The following EIF4G3 variants were observed in gnomAD, a reference collection of about 807,000 sequenced individuals.
EIF4G3 encodes eukaryotic translation initiation factor 4 gamma 3, also known as eIF-4-gamma 3.
A neutral mutation model predicts 186.4 loss-of-function variants in EIF4G3; 34 were observed. That is an observed-to-expected ratio of 0.18 (90% CI 0.14 to 0.24). The LOEUF (loss-of-function observed/expected upper bound fraction) is 0.24. EIF4G3 is among the 10% of genes least tolerant of loss of function. The pLI is 1.00. For synonymous variants in EIF4G3, 673 were observed against 679.5 expected (o/e 0.99, Z 0.15); for missense variants, 1,536 against 1,948.5 (o/e 0.79, Z 3.99).
intron 2 of EIF4G3, among the ~76,000 whole-genome samples, chr1:21,167,528 T>G (rs2097877539): frequency 6.6e-6 from 1 of 152,050 alleles, no homozygotes; most frequent in Admixed American, 6.6e-5. Context: ...GTAATCCCAG[T>G]ACTTTGGAAG....
chr1:21,008,631 G>A (rs1427785533), intron 4 of EIF4G3, among the ~76,000 whole-genome samples: 4 of 152,048 alleles, frequency 2.6e-5, no homozygotes, highest in African/African-American at 7.2e-5. Flanking sequence ...GAGCCACTGC[G>A]CCCTGGCTAC....
intron 2 of EIF4G3, among the ~76,000 whole-genome samples, chr1:21,128,134 G>A (rs556210889): frequency 3.9e-5 from 6 of 151,992 alleles, no homozygotes; most frequent in African/African-American, 7.2e-5. Flanking sequence ...GTGAACCTGG[G>A]AGGTGGAGCT....
At chr1:21,087,728 G>A (rs2096038593) in intron 3 of EIF4G3, among the ~76,000 whole-genome samples, 1 of 152,146 alleles carries the variant, frequency 6.6e-6, no homozygotes, top group Non-Finnish European at 1.5e-5. Flanking sequence ...CCGCCTCCTG[G>A]GTTCACGCCA....
intron 31 of EIF4G3, among the ~76,000 whole-genome samples, chr1:20,828,561 A>G (rs190832231): frequency 1.6e-4 from 24 of 152,320 alleles, no homozygotes; most frequent in Non-Finnish European, 1.5e-4. Flanking sequence ...ATGTTTTGTT[A>G]ATCTCAAAGA....
At chr1:21,136,075 C>G (rs968526403) in intron 2 of EIF4G3, among the ~76,000 whole-genome samples, 1 of 151,936 alleles carries the variant, frequency 6.6e-6, no homozygotes, top group Non-Finnish European at 1.5e-5. Flanking sequence ...CCCAGCTACT[C>G]GGGAGGCTGA....
chr1:20,840,376 C>T (rs1379398777), intron 30 of EIF4G3, among the ~76,000 whole-genome samples: 1 of 152,208 alleles, frequency 6.6e-6, no homozygotes, highest in Non-Finnish European at 1.5e-5. Context: ...TTAAGAACAC[C>T]AAGTTACATA....
At chr1:21,000,792 T>C (rs1017416329) in intron 6 of EIF4G3, among the ~76,000 whole-genome samples, 1 of 132,214 alleles carries the variant, frequency 7.6e-6, no homozygotes, top group Non-Finnish European at 1.8e-5. Flanking sequence ...AAAAATTGTA[T>C]AGAGGATAGT....
intron 10 of EIF4G3, among the ~76,000 whole-genome samples, chr1:20,979,487 TAAG>T (rs1292596238): frequency 6.6e-6 from 1 of 152,156 alleles, no homozygotes; most frequent in Non-Finnish European, 1.5e-5. Flanking sequence ...TGCATTCTAC[TAAG>T]AAAGACATTA....
At chr1:21,114,534 A>G (rs1430493491) in intron 2 of EIF4G3, among the ~76,000 whole-genome samples, 3 of 152,230 alleles carry the variant, frequency 2.0e-5, no homozygotes, top group Non-Finnish European at 2.9e-5. Flanking sequence ...ATAAATAACC[A>G]GTTTATCATT....
intron 28 of EIF4G3, 112 bp from the exon 29 acceptor site, chr1:20,849,642 C>T (rs774443783): frequency 4.4e-5 from 20 of 457,326 alleles, no homozygotes; most frequent in Non-Finnish European, 7.8e-5. Flanking sequence ...AGCTACAAGA[C>T]ATTTAATAGA....
chr1:21,051,469 G>T (rs551178704), intron 3 of EIF4G3, among the ~76,000 whole-genome samples: 2 of 152,062 alleles, frequency 1.3e-5, no homozygotes, highest in Non-Finnish European at 2.9e-5. Flanking sequence ...ACACTAAAAA[G>T]GGTGAATTTT....
intron 3 of EIF4G3, among the ~76,000 whole-genome samples, chr1:21,069,201 G>T (rs950011656): frequency 1.3e-5 from 2 of 152,060 alleles, no homozygotes; most frequent in Non-Finnish European, 2.9e-5. Context: ...CAAACTTGCT[G>T]CCCACCTACA....
At position 20,981,084 on chromosome 1, in the gene EIF4G3, G is replaced by A; in HGVS notation, c.342C>T (p.Tyr114=). The A allele has an allele frequency of 6.2e-7, 1 of 1,612,772 alleles. No homozygotes were observed. ...IMMVNHLPMP[Y]PVPQGPQYCI... The stretch of plus-strand genomic sequence containing the variant: ...AGTACTGAGGCCCCTGGGGCACTGG[G>A]TACGGCATGGGCAGATGGTTAACCA... The change falls in exon 9 of 37, where the codon TAC becomes TAT. Residue 114 remains tyrosine (Y), a synonymous_variant. Transcript: ENST00000602326.
At chr1:20,920,286 A>G (rs747955071) in intron 14 of EIF4G3, among the ~76,000 whole-genome samples, 1 of 152,242 alleles carries the variant, frequency 6.6e-6, no homozygotes, top group Non-Finnish European at 1.5e-5. Context: ...TTTAAATCAC[A>G]TATTTCAAGT....
intron 2 of EIF4G3, chr1:21,169,793 A>C (rs2097920654): frequency 6.6e-6 from 1 of 152,204 alleles, no homozygotes; most frequent in Non-Finnish European, 1.5e-5. Context: ...GGCAGCTTTG[A>C]ATGCTGTAAG....
intron 10 of EIF4G3, among the ~76,000 whole-genome samples, chr1:20,976,673 A>T (rs1276943205): frequency 6.6e-6 from 1 of 152,222 alleles, no homozygotes; most frequent in East Asian, 1.9e-4. Flanking sequence ...TAACACCTGT[A>T]TTCCACAAAA....
At chr1:21,073,257 T>C (rs574781147) in intron 3 of EIF4G3, among the ~76,000 whole-genome samples, 1 of 152,348 alleles carries the variant, frequency 6.6e-6, no homozygotes, top group Admixed American at 6.5e-5. Flanking sequence ...TATCAAAATC[T>C]TACAAAATTA....
At chr1:21,059,229 C>T (rs1451429514) in intron 3 of EIF4G3, among the ~76,000 whole-genome samples, 5 of 152,072 alleles carry the variant, frequency 3.3e-5, no homozygotes, top group African/African-American at 9.7e-5. Flanking sequence ...GCAACTCATA[C>T]ACAGAAATAA....
chr1:21,019,221 T>C (rs2090054752), intron 4 of EIF4G3, among the ~76,000 whole-genome samples: 1 of 152,178 alleles, frequency 6.6e-6, no homozygotes, highest in Non-Finnish European at 1.5e-5. Flanking sequence ...AACAACAATA[T>C]TACTCTAGCA....
Sources: gnomAD v4.1 joint callset for allele counts (sites outside exome capture counted in the v4.1 genomes callset) on GRCh38, gnomAD v4.1.1 for gene constraint, MANE v1.5 for transcripts, NCBI Gene and HGNC (gene_info 2026-07-23, HGNC 2026-07-21) for gene names.